FTCD: variants seen among roughly 807,000 people sequenced by gnomAD.
The protein encoded by FTCD is formimidoyltransferase cyclodeaminase.
In FTCD, 76 loss-of-function variants were observed where a neutral mutation model predicts 62.9. The ratio of observed to expected loss-of-function variants is 1.21; its 90% CI spans 1.00 to 1.46. The LOEUF (loss-of-function observed/expected upper bound fraction) is 1.46. FTCD is among the 40% of genes most tolerant of loss of function. The pLI is 0.00. For synonymous variants in FTCD, 397 were observed against 336.9 expected (o/e 1.18, Z -1.95); for missense variants, 845 against 751.3 (o/e 1.12, Z -1.46).
downstream of FTCD, chr21:46,136,775 C>G (rs527795472): frequency 8.6e-6 from 13 of 1,512,306 alleles, no homozygotes; most frequent in Middle Eastern, 1.8e-4. Context: ...ACACACAACA[C>G]AGGTTTGGTG....
chr21:46,148,808 C>T (rs1056390617), intron 7 of FTCD, among the ~76,000 whole-genome samples: 3 of 152,236 alleles, frequency 2.0e-5, no homozygotes, highest in South Asian at 2.1e-4. Context: ...CTCTGTGTTA[C>T]GTGAACTGGA....
At chr21:46,136,450 G>T, downstream of FTCD, 2 of 1,612,622 alleles carry the variant, frequency 1.2e-6, no homozygotes, top group Non-Finnish European at 1.7e-6. Context: ...CCTGGGAAGC[G>T]AGGCTATCCT....
At position 46,145,509 on chromosome 21, in the gene FTCD, T is replaced by C. The variant is rs201828652; in HGVS notation, c.1168A>G (p.Thr390Ala). 290 of 1,551,526 alleles carry C rather than the reference T, an allele frequency of 1.9e-4. No individual in the cohort carries two copies. In the East Asian group the frequency reaches 6.4e-3, roughly 34 times the overall value. The change falls in exon 10 of 14, where the codon ACG becomes GCG. Residue 390 changes from threonine to alanine, a missense_variant. Physicochemically the swap from Thr to Ala is moderately conservative, Grantham distance 58. Coordinates refer to ENST00000397746, the MANE Select transcript of FTCD (RefSeq NM_206965.2). The part of the protein sequence containing the change: ...GRRQFQSLDT[T>A]MRRLIPPFRE... ...AAGGGCGGGATCAGGCGCCGCATCG[T>C]CGTGTCCAGGGACTGGAATTGGCGC...
chr21:46,143,219 T>C (rs1252351853), intron 10 of FTCD, among the ~76,000 whole-genome samples: 1 of 152,158 alleles, frequency 6.6e-6, no homozygotes, highest in Non-Finnish European at 1.5e-5. Context: ...CTGGGGGTCT[T>C]GTGGCCCTCC....
chr21:46,150,546 C>T lies in FTCD; in HGVS notation c.637-21G>A, dbSNP rs534912016. On this transcript the variant is annotated intron_variant, in intron 5 of 13. Transcript: ENST00000397746. ...CCTGGCTGCAAAGGAAGAGCGTTCCCCAGCCTGGACTAGGAAGCTCATCCT... is the reference window on the plus strand; with the variant it reads ...CCTGGCTGCAAAGGAAGAGCGTTCCTCAGCCTGGACTAGGAAGCTCATCCT... The T allele has an allele frequency of 2.9e-5, 47 of 1,612,580 alleles. No homozygotes were observed. In the East Asian group the frequency reaches 9.6e-4, roughly 33 times the overall value.
chr21:46,136,357 C>A, downstream of FTCD: 2 of 1,352,576 alleles, frequency 1.5e-6, no homozygotes, highest in Non-Finnish European at 2.1e-6. Flanking sequence ...CTCCCAGGAG[C>A]CACTGGTTGA....
intron 7 of FTCD, among the ~76,000 whole-genome samples, chr21:46,148,442 G>A (rs1331505240): frequency 1.3e-5 from 2 of 152,106 alleles, no homozygotes; most frequent in Non-Finnish European, 2.9e-5. Context: ...CTGGGCAATA[G>A]AGCAAAACCC....
At chr21:46,145,751 GCGCCCTTCCCCCTCCC>G (rs2079127261) in intron 9 of FTCD, 51 bp downstream of exon 9, 24 of 246,234 alleles carry the variant, frequency 9.7e-5, no homozygotes, top group East Asian at 7.6e-4. Context: ...CCCCCCAACA[GCGCCCTTCCCCCTCCC>G]CGCCCTCCCC....
At chr21:46,140,029 G>A (rs4484116) in intron 10 of FTCD, among the ~76,000 whole-genome samples, 123,545 of 152,192 alleles carry the variant, frequency 0.81, 50,318 homozygotes, top group Admixed American at 0.84. Flanking sequence ...TGTGTTGGTG[G>A]TGGGGAAATA....
rs2079405924 is a variant in FTCD at position 46,155,479 on chromosome 21, C to G, written c.45G>C (p.Lys15Asn). 2 of 1,612,750 alleles carry G rather than the reference C, an allele frequency of 1.2e-6. No individual in the cohort carries two copies. Among genetic ancestry groups the G allele is most frequent in the Non-Finnish European group, 8.5e-7 (1 of 1,179,738 alleles). Residue 15 changes from lysine (K) to asparagine (N), a missense_variant, in exon 1 of 14, where the codon AAG (lysine) becomes AAC (asparagine). By Grantham distance (94) the Lys-to-Asn change is moderately conservative. Transcript: ENST00000397746. ...VECVPNFSEG[K>N]NQEVIDAISG... ...GCTCCTCGGGCCTCACCTCCTGGTT[C>G]TTCCCCTCCGAAAAGTTGGGGACGC...
intron 9 of FTCD, 78 bp downstream of exon 9, chr21:46,145,740 T>TC (rs548633980): frequency 8.4e-5 from 20 of 237,216 alleles, no homozygotes; most frequent in Non-Finnish European, 1.3e-4. Context: ...CCCCGTGCCC[T>TC]CCCCCCAACA....
chr21:46,152,481 G>C (rs753792796), intron 3 of FTCD: 1 of 200,474 alleles, frequency 5.0e-6, no homozygotes, highest in South Asian at 1.2e-4. Context: ...TGCCCTGCAC[G>C]CTGGCGTGAC....
chr21:46,152,755 T>C (rs528889849), intron 3 of FTCD, 152 bp downstream of exon 3: 6 of 647,868 alleles, frequency 9.3e-6, no homozygotes, highest in Non-Finnish European at 1.5e-5. Flanking sequence ...TATTTCGGTA[T>C]TGAGGGAGCT....
intron 10 of FTCD, 64 bp from the exon 11 acceptor site, chr21:46,138,987 C>A (rs1257786544): frequency 1.6e-6 from 2 of 1,248,082 alleles, no homozygotes; most frequent in Non-Finnish European, 2.4e-6. Context: ...GCCCTCTGAG[C>A]TCCCACAAGG....
At chr21:46,155,115 G>A (rs1556341) in intron 1 of FTCD, among the ~76,000 whole-genome samples, 119,723 of 152,154 alleles carry the variant, frequency 0.79, 47,663 homozygotes, top group African/African-American at 0.89. Context: ...ACCTCGTGTG[G>A]CCTCACACAG....
intron 10 of FTCD, among the ~76,000 whole-genome samples, chr21:46,140,313 C>G (rs555446431): frequency 6.7e-6 from 1 of 148,260 alleles, no homozygotes; most frequent in African/African-American, 2.5e-5. Flanking sequence ...CAGCCCTCCC[C>G]GTCCACCTTC....
rs2078883944 is a variant in FTCD, at chr21:46,137,038, G to C, written c.1575C>G (p.Ala525=). ...HHRVSSLLQE[A]KTQAALVLDC... Reference sequence around the variant, plus strand: ...CCAGCACCAGTGCAGCCTGGGTCTTGGCTTCCTGCAGGAGGCTGGAAACAC... The same window carrying C: ...CCAGCACCAGTGCAGCCTGGGTCTTCGCTTCCTGCAGGAGGCTGGAAACAC... Residue 525 remains alanine (A), a synonymous_variant, in exon 14 of 14, where the codon GCC becomes GCG. Coordinates refer to ENST00000397746, the MANE Select transcript of FTCD (RefSeq NM_206965.2). 3 of 1,613,576 alleles carry C rather than the reference G, an allele frequency of 1.9e-6. No homozygotes were observed. Among genetic ancestry groups the C allele is most frequent in the Non-Finnish European group, 8.5e-7 (1 of 1,179,974 alleles).
intron 8 of FTCD, 40 bp from the exon 9 acceptor site, chr21:46,145,987 G>C: frequency 7.9e-7 from 1 of 1,267,664 alleles, no homozygotes; most frequent in East Asian, 2.7e-5. Flanking sequence ...GGCCGGGGTT[G>C]GTGGGGGGAG....
chr21:46,147,399 A>G (rs1044454844), intron 7 of FTCD, among the ~76,000 whole-genome samples: 2 of 152,230 alleles, frequency 1.3e-5, no homozygotes, highest in Admixed American at 1.3e-4. Flanking sequence ...CTCCAAGCCA[A>G]AAACTCAGCT....
Sources: allele counts gnomAD v4.1 joint callset (sites outside exome capture counted in the v4.1 genomes callset), GRCh38; gene constraint gnomAD v4.1.1; transcripts MANE v1.5; gene names NCBI Gene and HGNC (gene_info 2026-07-23, HGNC 2026-07-21).